FASTKD5: variants seen among roughly 807,000 people sequenced by gnomAD.
FASTKD5 encodes FAST kinase domains 5.
FASTKD5 carries 30 observed loss-of-function variants against 44.0 expected under a neutral mutation model. The ratio of observed to expected loss-of-function variants is 0.68; its 90% CI spans 0.51 to 0.93. The LOEUF (loss-of-function observed/expected upper bound fraction) is 0.93. Ranked by LOEUF, FASTKD5 falls within the 40% of genes least tolerant of loss-of-function variation. FASTKD5 has a pLI of 0.00. For missense variants in FASTKD5, 868 were observed against 908.2 expected (o/e 0.96, Z 0.57); for synonymous variants, 335 against 342.2 (o/e 0.98, Z 0.23).
At chr20:3,154,192 A>C (rs2066661393) in intron 1 of FASTKD5, among the ~76,000 whole-genome samples, 1 of 152,226 alleles carries the variant, frequency 6.6e-6, no homozygotes, top group Admixed American at 6.5e-5. Flanking sequence ...AGATCCCAGG[A>C]CAAGAGCTGT....
chr20:3,148,585 G>A lies in FASTKD5; in HGVS notation c.486C>T (p.Val162=), dbSNP rs141033197. The A allele has an allele frequency of 6.8e-6, 11 of 1,613,978 alleles. No individual in the cohort carries two copies. The African/African-American group carries it at 1.3e-4, about 20-fold the overall frequency. Residue 162 remains valine (V), a synonymous_variant, in exon 2 of 2, where the codon GTC becomes GTT. Coordinates refer to ENST00000380266, the MANE Select transcript of FASTKD5 (RefSeq NM_021826.5). ...TCAGCTTACACAAATAATCAACAAT[G>A]ACTTGAGCCTGGAGATTATTTTGAT... ...RVNQNNLQAQ[V]IVDYLCKLSS... is the part of the protein sequence containing the mutation.
Position 3,148,802 on chromosome 20 carries a change from G to T in FASTKD5, c.269C>A (p.Thr90Lys), listed in dbSNP as rs1384310625. 5.0e-6 allele frequency: 8 copies of T among 1,614,126 alleles called. No individual in the cohort carries two copies. Among genetic ancestry groups the T allele is most frequent in the Non-Finnish European group, 6.8e-6 (8 of 1,180,042 alleles). Residue 90 changes from threonine (T) to lysine (K), a missense_variant, in exon 2 of 2, where the codon ACA becomes AAA. Physicochemically the swap from Thr to Lys is moderately conservative, Grantham distance 78. Coordinates refer to ENST00000380266, the MANE Select transcript of FASTKD5 (RefSeq NM_021826.5). ...GGCCCTGGGTGAGCCCAGCTGCAAT[G>T]TACTGGCCTTAGAGGAAGAAGTCTT... ...FSKTSSSKAS[T>K]LQLGSPRATG...
rs776398507 is a variant in FASTKD5, at chr20:3,148,158, A to G, written c.913T>C (p.Leu305=). Residue 305 remains leucine, a synonymous_variant, in exon 2 of 2, where the codon TTG becomes CTG. Coordinates refer to ENST00000380266, the MANE Select transcript of FASTKD5 (RefSeq NM_021826.5). ...SQDLMQKLES[L]ILKYIDLINL... is the part of the protein sequence containing the mutation. ...ATCAAATCTATATATTTAAGGATCA[A>G]TGATTCCAATTTTTGCATTAGGTCC... is the stretch of plus-strand genomic sequence containing the variant. The G allele has an allele frequency of 1.0e-4, 163 of 1,613,762 alleles. No individual in the cohort carries two copies. The highest frequency in any genetic ancestry group is 1.3e-4 in the Non-Finnish European group (149 of 1,179,994).
chr20:3,158,029 G>A (rs966811232), intron 1 of FASTKD5, among the ~76,000 whole-genome samples: 1 of 151,988 alleles, frequency 6.6e-6, no homozygotes, highest in Non-Finnish European at 1.5e-5. Flanking sequence ...GGCGAGGATC[G>A]CTCAAGGATC....
rs774156371 is a variant in FASTKD5, at chr20:3,147,195, T to C, written c.1876A>G (p.Thr626Ala). Residue 626 changes from threonine to alanine, a missense_variant, in exon 2 of 2, where the codon ACA becomes GCA. Thr to Ala is a moderately conservative substitution (Grantham distance 58, BLOSUM62 0). Transcript: ENST00000380266. ...LRLEHVGVSL[T>A]DDLMNKLLKG... Reference sequence around the variant, plus strand: ...AGTAACTTATTCATCAAATCATCTGTAAGGCTGACTCCCACATGCTCAAGC... The same window carrying C: ...AGTAACTTATTCATCAAATCATCTGCAAGGCTGACTCCCACATGCTCAAGC... 1 of 1,614,180 alleles carries C rather than the reference T, an allele frequency of 6.2e-7. No homozygotes were observed. Among genetic ancestry groups the C allele is most frequent in the Non-Finnish European group, 8.5e-7 (1 of 1,180,046 alleles).
chr20:3,158,526 T>A (rs1427769895), intron 1 of FASTKD5, among the ~76,000 whole-genome samples: 1 of 151,996 alleles, frequency 6.6e-6, no homozygotes, highest in Non-Finnish European at 1.5e-5. Context: ...CAGGCTGGAG[T>A]GCAGTGGCGC....
intron 1 of FASTKD5, among the ~76,000 whole-genome samples, chr20:3,158,632 G>A (rs1363922506): frequency 6.6e-6 from 1 of 152,020 alleles, no homozygotes; most frequent in African/African-American, 2.4e-5. Context: ...CCGCCACCAC[G>A]CCCAGCTATT....
intron 1 of FASTKD5, among the ~76,000 whole-genome samples, chr20:3,152,407 C>CG (rs2066639298): frequency 6.6e-6 from 1 of 151,836 alleles, no homozygotes; most frequent in Admixed American, 6.6e-5. Flanking sequence ...GAGGCTGAGG[C>CG]GGGAGAATCA....
chr20:3,150,987 A>G (rs948423467), intron 1 of FASTKD5: 2 of 152,014 alleles, frequency 1.3e-5, no homozygotes, highest in Non-Finnish European at 2.9e-5. Flanking sequence ...CAATCCTCCC[A>G]CTTCAGCCTC....
At position 3,148,619 on chromosome 20, in the gene FASTKD5, A is replaced by G. The variant is rs758482387; in HGVS notation, c.452T>C (p.Val151Ala). Residue 151 changes from valine to alanine, a missense_variant, in exon 2 of 2, where the codon GTC becomes GCC. Coordinates refer to ENST00000380266, the MANE Select transcript of FASTKD5 (RefSeq NM_021826.5). ...VSEGELILHK[V>A]RVNQNNLQAQ... is the part of the protein sequence containing the mutation. Reference sequence around the variant, plus strand: ...CTGGAGATTATTTTGATTAACTCTGACTTTGTGCAAAATTAGTTCACCTTC... The same window carrying G: ...CTGGAGATTATTTTGATTAACTCTGGCTTTGTGCAAAATTAGTTCACCTTC... The G allele has an allele frequency of 8.8e-5, 142 of 1,614,072 alleles. No individual in the cohort carries two copies. The highest frequency in any genetic ancestry group is 1.1e-4 in the Non-Finnish European group (125 of 1,180,056).
At position 3,148,239 on chromosome 20, in the gene FASTKD5, A is replaced by T. The variant is rs2066588708; in HGVS notation, c.832T>A (p.Leu278Met). ...YLNLHWKDLS[L>M]SQLVHLIYVI... Reference sequence around the variant, plus strand: ...TAAATTAAGTGAACTAGCTGAGACAAGGATAGATCCTTCCAGTGCAAATTA... The same window carrying T: ...TAAATTAAGTGAACTAGCTGAGACATGGATAGATCCTTCCAGTGCAAATTA... Residue 278 changes from leucine to methionine, a missense_variant, in exon 2 of 2, where the codon TTG (leucine) becomes ATG (methionine). Transcript: ENST00000380266. 1.9e-6 allele frequency: 3 copies of T among 1,613,870 alleles called. No homozygotes were observed. In the East Asian group the frequency reaches 6.7e-5, roughly 36 times the overall value.
Position 3,147,715 on chromosome 20 carries a change from G to A in FASTKD5, c.1356C>T (p.Ser452=), listed in dbSNP as rs772346024. Residue 452 remains serine, a synonymous_variant, in exon 2 of 2, where the codon TCC becomes TCT. Transcript: ENST00000380266. ...YKPPNAEEFY[S]SLISEIHRKM... ...TTCTGTGAATCTCACTTATCAGGCT[G>A]GAGTAAAATTCTTCTGCATTGGGTG... 1.2e-6 allele frequency: 2 copies of A among 1,614,192 alleles called. No homozygotes were observed. The highest frequency in any genetic ancestry group is 1.1e-5 in the South Asian group (1 of 91,074).
chr20:3,148,795 C>T lies in FASTKD5; in HGVS notation c.276G>A (p.Gln92=), dbSNP rs76392282. 3,657 of 1,614,228 alleles carry T rather than the reference C, an allele frequency of 2.3e-3. 74 individuals are homozygous for T. In the African/African-American group the frequency reaches 0.044, roughly 20 times the overall value. ...CTCCTGTGGCCCTGGGTGAGCCCAG[C>T]TGCAATGTACTGGCCTTAGAGGAAG... ...KTSSSKASTL[Q]LGSPRATGVD... The change falls in exon 2 of 2, where the codon CAG becomes CAA. Residue 92 remains glutamine (Q), a synonymous_variant. Coordinates refer to ENST00000380266, the MANE Select transcript of FASTKD5 (RefSeq NM_021826.5).
rs969179937 is a variant in FASTKD5 at position 3,152,160 on chromosome 20, C to A, written c.-190-2900G>T. On this transcript the variant is annotated intron_variant, in intron 1 of 1. Coordinates refer to ENST00000380266, the MANE Select transcript of FASTKD5 (RefSeq NM_021826.5). ...CAGAGATAGCAGGTAACAGAACTCT[C>A]CAGCTGACAGAACAGGGCTTTTAAG... Among the ~76,000 whole-genome samples, 8 of 150,886 alleles carry A rather than the reference C, an allele frequency of 5.3e-5. No homozygotes were observed. In the East Asian group the frequency reaches 1.6e-3, roughly 29 times the overall value.
chr20:3,158,141 G>GT (rs1403882252), intron 1 of FASTKD5, among the ~76,000 whole-genome samples: 3 of 151,692 alleles, frequency 2.0e-5, no homozygotes, highest in South Asian at 4.2e-4. Context: ...TTTGTTTTTT[G>GT]TTTTTTTCGT....
Position 3,148,911 on chromosome 20 carries a change from T to C in FASTKD5, c.160A>G (p.Lys54Glu), listed in dbSNP as rs143020608. 19 of 1,614,244 alleles carry C rather than the reference T, an allele frequency of 1.2e-5. No homozygotes were observed. The Middle Eastern group carries it at 4.9e-4, about 42-fold the overall frequency. Residue 54 changes from lysine (K) to glutamate (E), a missense_variant, in exon 2 of 2, where the codon AAA becomes GAA. Coordinates refer to ENST00000380266, the MANE Select transcript of FASTKD5 (RefSeq NM_021826.5). ...PEHISLCHSA[K>E]KVKNICSTFS... The stretch of plus-strand genomic sequence containing the variant: ...GTGCTACATATGTTCTTAACTTTTT[T>C]GGCAGAATGGCAGAGGCTAATGTGT...
chr20:3,157,857 T>C (rs1222272644), intron 1 of FASTKD5, among the ~76,000 whole-genome samples: 3 of 152,212 alleles, frequency 2.0e-5, no homozygotes, highest in African/African-American at 7.2e-5. Context: ...AGAGGCTGTA[T>C]AGTACATACT....
rs2066593940 is a variant in FASTKD5, at chr20:3,148,714, T to C, written c.357A>G (p.Leu119=). 4 of 1,614,104 alleles carry C rather than the reference T, an allele frequency of 2.5e-6. No homozygotes were observed. The highest frequency in any genetic ancestry group is 2.2e-5 in the South Asian group (2 of 91,090). The change falls in exon 2 of 2, where the codon CTA becomes CTG. Residue 119 remains leucine (L), a synonymous_variant. Coordinates refer to ENST00000380266, the MANE Select transcript of FASTKD5 (RefSeq NM_021826.5). ...GAACACGGTATTCTGGTCTTAGCTG[T>C]AGGAAAACTCGCATGTTTTCAAAGG... ...FDSFENMRVF[L]QLRPEYRVHS... is the part of the protein sequence containing the mutation.
At chr20:3,158,115 T>C (rs1039594127) in intron 1 of FASTKD5, among the ~76,000 whole-genome samples, 1 of 152,016 alleles carries the variant, frequency 6.6e-6, no homozygotes, top group Non-Finnish European at 1.5e-5. Context: ...TACATTTTGT[T>C]TTTTTGTGTG....
Sources: gnomAD v4.1 joint callset for allele counts (sites outside exome capture counted in the v4.1 genomes callset) on GRCh38, gnomAD v4.1.1 for gene constraint, MANE v1.5 for transcripts, NCBI Gene and HGNC (gene_info 2026-07-23, HGNC 2026-07-21) for gene names.